The following TNRC6C variants were observed in gnomAD, a reference collection of about 807,000 sequenced individuals.
TNRC6C encodes trinucleotide repeat containing adaptor 6C, also known as trinucleotide repeat-containing gene 6C protein.
A neutral mutation model predicts 153.7 loss-of-function variants in TNRC6C; 20 were observed. The ratio of observed to expected loss-of-function variants is 0.13; its 90% CI spans 0.09 to 0.19. The LOEUF is 0.19. Among genes scored for constraint, TNRC6C ranks in the 10% least tolerant of loss-of-function variants. The pLI, the probability that TNRC6C is intolerant of heterozygous loss-of-function variation, is 1.00. For synonymous variants in TNRC6C, 811 were observed against 841.4 expected, an observed-to-expected ratio of 0.96 and a Z score of 0.63; for missense variants, 1,987 against 2,172.0, an observed-to-expected ratio of 0.91 and a Z score of 1.69.
upstream of TNRC6C, chr17:78,004,930 G>A: frequency 2.9e-6 from 2 of 687,800 alleles, no homozygotes; most frequent in Non-Finnish European, 4.1e-6. Flanking sequence ...TAAATTAACT[G>A]GGCAAAAACT....
intron 1 of TNRC6C, among the ~76,000 whole-genome samples, chr17:78,006,108 C>A (rs369594505): frequency 2.0e-5 from 3 of 152,200 alleles, no homozygotes; most frequent in Admixed American, 6.5e-5. Context: ...AACTTCATAG[C>A]TGAACAGGAA....
intron 1 of TNRC6C, among the ~76,000 whole-genome samples, chr17:77,993,828 T>A (rs990516318): frequency 1.3e-5 from 2 of 152,190 alleles, no homozygotes; most frequent in East Asian, 3.8e-4. Context: ...ATTGACAAGC[T>A]TCTTGGTACC....
At chr17:78,031,741 T>G (rs1326696758) in exon 2 of TNRC6C, 1 of 1,232,322 alleles carries the variant, frequency 8.1e-7, no homozygotes, top group East Asian at 3.2e-5. Context: ...ACGGGGACTC[T>G]AACCAGTGTG....
chr17:78,002,727 T>G (rs1177962333), upstream of TNRC6C, among the ~76,000 whole-genome samples: 1 of 152,066 alleles, frequency 6.6e-6, no homozygotes, highest in African/African-American at 2.4e-5. Context: ...CCATCTCTGT[T>G]TACAAAAATA....
chr17:78,045,201 TC>T (rs1319990868), intron 2 of TNRC6C, among the ~76,000 whole-genome samples: 1 of 152,132 alleles, frequency 6.6e-6, no homozygotes, highest in African/African-American at 2.4e-5. Flanking sequence ...TTTACAGTAA[TC>T]CAGTCAAGAC....
chr17:78,037,820 A>C (rs147011273), intron 2 of TNRC6C, among the ~76,000 whole-genome samples: 135 of 152,342 alleles, frequency 8.9e-4, no homozygotes, highest in Non-Finnish European at 1.5e-3. Context: ...ACTAATTCCA[A>C]ACTTCATCTA....
intron 9 of TNRC6C, among the ~76,000 whole-genome samples, chr17:78,078,696 G>T (rs932376003): frequency 1.3e-4 from 20 of 152,160 alleles, no homozygotes; most frequent in African/African-American, 4.8e-4. Flanking sequence ...CGAACGAGGT[G>T]GCTCACGCCT....
At chr17:77,987,446 C>T (rs981546828) in intron 1 of TNRC6C, among the ~76,000 whole-genome samples, 11 of 151,952 alleles carry the variant, frequency 7.2e-5, no homozygotes, top group African/African-American at 2.7e-4. Flanking sequence ...TTAATTATAC[C>T]CTTTTGTTTT....
At chr17:78,040,464 A>C (rs919501203) in intron 2 of TNRC6C, among the ~76,000 whole-genome samples, 3 of 152,198 alleles carry the variant, frequency 2.0e-5, no homozygotes, top group African/African-American at 7.2e-5. Context: ...TCTTTTTTAG[A>C]TAGAGGCAGG....
chr17:77,985,847 T>A (rs1200725224), intron 1 of TNRC6C, among the ~76,000 whole-genome samples: 2 of 152,120 alleles, frequency 1.3e-5, no homozygotes, highest in Non-Finnish European at 2.9e-5. Flanking sequence ...GGGCCAGGAA[T>A]CTTAGGAGGA....
Position 78,104,887 on chromosome 17 carries a change from G to C in TNRC6C, c.*42G>C, listed in dbSNP as rs569631584. The C allele has an allele frequency of 7.2e-7, 1 of 1,395,118 alleles. No individual in the cohort carries two copies. The highest frequency in any genetic ancestry group is 9.3e-7 in the Non-Finnish European group (1 of 1,079,810). The allele number at this position is 1,395,118 out of a possible 1,614,324, so 86.4% of individuals were successfully genotyped here. A position where few individuals can be genotyped will look rare whatever the true frequency, so the allele number is the denominator to read the frequency against. ...CACCAGGAGAGCCGACCCCTCCCGG[G>C]ACCCCTCCCGGCTGGGCGGCCCCAC... On this transcript the variant is annotated 3_prime_UTR_variant, in exon 20 of 20. Transcript: ENST00000301624. The surrounding 1 kb of genome is among the most constrained non-coding windows in gnomAD (Gnocchi z 6.2).
intron 1 of TNRC6C, among the ~76,000 whole-genome samples, chr17:78,031,169 C>G (rs563349865): frequency 2.5e-4 from 38 of 152,116 alleles, no homozygotes; most frequent in African/African-American, 9.2e-4. Flanking sequence ...GACACTGAAT[C>G]AGAAAGTCTG....
intron 16 of TNRC6C, among the ~76,000 whole-genome samples, chr17:78,094,709 G>A (rs983481020): frequency 6.6e-6 from 1 of 152,198 alleles, no homozygotes; most frequent in Non-Finnish European, 1.5e-5. Flanking sequence ...CAAAGTGCTG[G>A]GATTACAGGC....
At chr17:78,010,120 C>A (rs2071598990) in intron 1 of TNRC6C, among the ~76,000 whole-genome samples, 1 of 152,114 alleles carries the variant, frequency 6.6e-6, no homozygotes, top group African/African-American at 2.4e-5. Flanking sequence ...AGCAGTCCAC[C>A]CACTTTGGCC....
intron 3 of TNRC6C, among the ~76,000 whole-genome samples, chr17:78,059,506 C>G (rs917513283): frequency 6.6e-6 from 1 of 152,092 alleles, no homozygotes; most frequent in Non-Finnish European, 1.5e-5. Context: ...AAGGCCTTAG[C>G]TTTAGGTACC....
chr17:78,031,560 G>T, exon 2 of TNRC6C: 1 of 1,232,184 alleles, frequency 8.1e-7, no homozygotes, highest in East Asian at 3.2e-5. Flanking sequence ...CCAACCTGCC[G>T]GTACCAGTAC....
chr17:78,028,982 G>A (rs566667874), intron 1 of TNRC6C, among the ~76,000 whole-genome samples: 1 of 152,142 alleles, frequency 6.6e-6, no homozygotes, highest in South Asian at 2.1e-4. Context: ...GTTTGCATTC[G>A]GCATGCTAAT....
At chr17:77,982,231 A>G (rs915190685) in intron 1 of TNRC6C, among the ~76,000 whole-genome samples, 8 of 152,296 alleles carry the variant, frequency 5.3e-5, no homozygotes, top group East Asian at 3.9e-4. Context: ...CACCCGGTCT[A>G]TGGTATTTTT....
At chr17:77,984,470 G>T (rs144857632) in intron 1 of TNRC6C, among the ~76,000 whole-genome samples, 198 of 152,236 alleles carry the variant, frequency 1.3e-3, no homozygotes, top group African/African-American at 4.5e-3. Flanking sequence ...GTGAGCTGTG[G>T]TTGCACCACT....
Sources: gnomAD v4.1 joint callset for allele counts (sites outside exome capture counted in the v4.1 genomes callset) on GRCh38, gnomAD v4.1.1 for gene constraint, Gnocchi (gnomAD v3.1) non-coding constraint, MANE v1.5 for transcripts, NCBI Gene and HGNC (gene_info 2026-07-23, HGNC 2026-07-21) for gene names.